Variants in CHD5 observed in about 807,000 individuals in gnomAD.
The protein encoded by CHD5 is ATP-dependent chromatin remodeler CHD5.
Under a neutral mutation model 230.3 loss-of-function variants are expected in CHD5, and 69 were observed. The ratio of observed to expected loss-of-function variants is 0.30; its 90% CI spans 0.25 to 0.37. The LOEUF (loss-of-function observed/expected upper bound fraction) is 0.37. CHD5 is among the 10% of genes least tolerant of loss of function. CHD5 has a pLI of 1.00. For synonymous variants in CHD5, 1,064 were observed against 1,065.9 expected, an observed-to-expected ratio of 1.00 and a Z score of 0.03; for missense variants, 1,827 against 2,622.8, an observed-to-expected ratio of 0.70 and a Z score of 6.63.
chr1:6,131,600 C>T lies in CHD5; in HGVS notation c.3262+31G>A. Reference sequence around the variant, plus strand: ...GGGAGAAGAGGCCAAAAAGGAGTCTCAATCAGAACCCTTGGGCAGGATGGG... The same window carrying T: ...GGGAGAAGAGGCCAAAAAGGAGTCTTAATCAGAACCCTTGGGCAGGATGGG... On this transcript the variant is annotated intron_variant, in intron 21 of 41. Transcript: ENST00000262450. The surrounding 1 kb of genome is among the most constrained non-coding windows in gnomAD (Gnocchi z 5.0). The T allele has an allele frequency of 7.4e-7, 1 of 1,359,588 alleles. No individual in the cohort carries two copies. Among genetic ancestry groups the T allele is most frequent in the Non-Finnish European group, 1.1e-6 (1 of 951,022 alleles). 84.2% of individuals were successfully genotyped at this position (1,359,588 alleles called of 1,614,324 possible).
At position 6,155,676 on chromosome 1, in the gene CHD5, C is replaced by G. The variant is rs12074369; in HGVS notation, c.429G>C (p.Leu143=). 137,662 of 1,613,750 alleles carry G rather than the reference C, an allele frequency of 0.085. 8,708 individuals are homozygous for G. Among genetic ancestry groups the G allele is most frequent in the African/African-American group, 0.32 (23,986 of 74,882 alleles). ...CCGAGAACAGGTAGTCCACGTCGTC[C>G]AGGCCCCACTCGGCCATGAGCTGCC... ...SSGQLMAEWG[L]DDVDYLFSEE... Residue 143 remains leucine, a synonymous_variant, in exon 4 of 42, where the codon CTG becomes CTC. Transcript: ENST00000262450. The surrounding 1 kb of genome is among the most constrained non-coding windows in gnomAD (Gnocchi z 4.0).
At chr1:6,111,406 C>T (rs1666285632) in intron 36 of CHD5, among the ~76,000 whole-genome samples, 1 of 147,102 alleles carries the variant, frequency 6.8e-6, no homozygotes, top group Admixed American at 6.7e-5. Context: ...TGGTGGGGCA[C>T]ACCTGTAATC....
chr1:6,151,331 C>T (rs1667004951), intron 6 of CHD5, among the ~76,000 whole-genome samples, 176 bp from the exon 7 acceptor site: 1 of 152,200 alleles, frequency 6.6e-6, no homozygotes, highest in Non-Finnish European at 1.5e-5. Context: ...GCCTGTCCAG[C>T]CTGATGTCCC....
chr1:6,160,813 T>C (rs902479413), intron 2 of CHD5, among the ~76,000 whole-genome samples: 1 of 152,216 alleles, frequency 6.6e-6, no homozygotes, highest in East Asian at 1.9e-4. Flanking sequence ...GGCCCATTTA[T>C]ATGGAGATAA....
chr1:6,124,989 C>T (rs879051343), intron 29 of CHD5, 111 bp downstream of exon 29: 73 of 1,168,372 alleles, frequency 6.2e-5, no homozygotes, highest in African/African-American at 2.5e-4. Context: ...ACTTTCCAGA[C>T]GGCCTCATCC....
In CHD5 at chr1:6,114,248, G is replaced by A. The variant is rs569617614; in HGVS notation, c.4913-1250C>T. On this transcript the variant is annotated intron_variant, in intron 33 of 41. Transcript: ENST00000262450. The stretch of plus-strand genomic sequence containing the variant: ...AGCCTGGGTGACAGAGTGAGACTCC[G>A]TCTCAAAAAAAAAAAAAATCACAAT... 7.8e-5 allele frequency among the ~76,000 whole-genome samples: 9 copies of A among 114,860 alleles called. No individual in the cohort carries two copies. The East Asian group carries it at 2.3e-3, about 29-fold the overall frequency. The allele number at this position is 114,860 out of a possible 152,430, so 75.4% of individuals were successfully genotyped here. A position where few individuals can be genotyped will look rare whatever the true frequency, so the allele number is the denominator to read the frequency against.
chr1:6,128,723 G>T lies in CHD5; in HGVS notation c.3620-114C>A. On this transcript the variant is annotated intron_variant, in intron 23 of 41. Coordinates refer to ENST00000262450, the MANE Select transcript of CHD5 (RefSeq NM_015557.3). This position sits in a 1 kb window ranked among gnomAD's most constrained non-coding sequence, Gnocchi z 7.8. Reference sequence around the variant, plus strand: ...TCCTAGCCAGGAGATACAGGTGGGGGGTGCAGAAGAGAGGCTGTGTGTTGG... The same window carrying T: ...TCCTAGCCAGGAGATACAGGTGGGGTGTGCAGAAGAGAGGCTGTGTGTTGG... 8.0e-7 allele frequency: 1 copy of T among 1,248,524 alleles called. No individual in the cohort carries two copies. The highest frequency in any genetic ancestry group is 1.1e-6 in the Non-Finnish European group (1 of 869,760). The allele number at this position is 1,248,524 out of a possible 1,614,324, so 77.3% of individuals were successfully genotyped here.
intron 33 of CHD5, among the ~76,000 whole-genome samples, chr1:6,114,756 GA>G (rs1348718595): frequency 6.6e-6 from 1 of 151,496 alleles, no homozygotes; most frequent in African/African-American, 2.4e-5. Flanking sequence ...CTCAAAACTA[GA>G]AAAAAAACAT....
intron 9 of CHD5, among the ~76,000 whole-genome samples, chr1:6,148,164 G>A (rs1307186741): frequency 6.6e-6 from 1 of 152,192 alleles, no homozygotes; most frequent in African/African-American, 2.4e-5. Flanking sequence ...GGCTAAAGGA[G>A]GCACAGCCCA....
intron 6 of CHD5, 56 bp from the exon 7 acceptor site, chr1:6,151,211 G>A (rs1667002663): frequency 1.9e-6 from 3 of 1,544,224 alleles, no homozygotes; most frequent in Non-Finnish European, 2.6e-6. Context: ...AGGCTTCGCT[G>A]GCCCAGGCAG....
chr1:6,159,773 G>A (rs980817295), intron 2 of CHD5, among the ~76,000 whole-genome samples: 9 of 152,244 alleles, frequency 5.9e-5, no homozygotes, highest in African/African-American at 1.7e-4. Flanking sequence ...CAGGTGAGGC[G>A]AGGTGAGGCT....
chr1:6,148,804 G>T, intron 9 of CHD5, 50 bp downstream of exon 9: 1 of 1,404,408 alleles, frequency 7.1e-7, no homozygotes. Context: ...GGCGGGGCCT[G>T]TTCCTGGGGT....
chr1:6,167,856 C>A lies in CHD5; in HGVS notation c.207+294G>T, dbSNP rs1667278850. Reference sequence around the variant, plus strand: ...GGAGTGGGGCAGGGAGGTAGGGAGGCACCGTGGCGACGGAATCCAGCCCTG... The same window carrying A: ...GGAGTGGGGCAGGGAGGTAGGGAGGAACCGTGGCGACGGAATCCAGCCCTG... On this transcript the variant is annotated intron_variant, in intron 2 of 41. Transcript: ENST00000262450. The surrounding 1 kb of genome is among the most constrained non-coding windows in gnomAD (Gnocchi z 4.5). 6.6e-6 allele frequency among the ~76,000 whole-genome samples: 1 copy of A among 152,140 alleles called. No homozygotes were observed. The highest frequency in any genetic ancestry group is 2.4e-5 in the African/African-American group (1 of 41,404).
intron 7 of CHD5, among the ~76,000 whole-genome samples, chr1:6,149,889 A>C (rs1195399999): frequency 1.3e-5 from 2 of 150,952 alleles, no homozygotes; most frequent in African/African-American, 4.9e-5. Flanking sequence ...AAGTGGATGG[A>C]TAGATGGATG....
intron 15 of CHD5, among the ~76,000 whole-genome samples, chr1:6,141,210 G>A (rs1666823400): frequency 6.6e-6 from 1 of 151,372 alleles, no homozygotes; most frequent in African/African-American, 2.4e-5. Context: ...CTTGAACCGG[G>A]AGGCAGAGGT....
At chr1:6,164,307 T>C (rs1175553611) in intron 2 of CHD5, among the ~76,000 whole-genome samples, 2 of 152,204 alleles carry the variant, frequency 1.3e-5, no homozygotes, top group Non-Finnish European at 2.9e-5. Context: ...AAGGGAAGAA[T>C]GAAATAGGAG....
At chr1:6,150,102 G>C (rs1256394533) in intron 7 of CHD5, among the ~76,000 whole-genome samples, 1 of 150,384 alleles carries the variant, frequency 6.6e-6, no homozygotes, top group African/African-American at 2.5e-5. Flanking sequence ...ATGGATAGAT[G>C]GACAAAAGGA....
At chr1:6,149,810 G>A (rs1282758353) in intron 7 of CHD5, among the ~76,000 whole-genome samples, 4 of 150,840 alleles carry the variant, frequency 2.7e-5, no homozygotes, top group African/African-American at 9.8e-5. Flanking sequence ...TGGATGGATA[G>A]GTGGATGGAA....
At chr1:6,177,677 T>C (rs1667446514) in intron 1 of CHD5, among the ~76,000 whole-genome samples, 1 of 152,152 alleles carries the variant, frequency 6.6e-6, no homozygotes, top group African/African-American at 2.4e-5. Context: ...GGAAGGCCCT[T>C]AGCAAGGGTG....
Sources: allele counts gnomAD v4.1 joint callset (sites outside exome capture counted in the v4.1 genomes callset), GRCh38; gene constraint gnomAD v4.1.1; non-coding constraint Gnocchi (gnomAD v3.1); transcripts MANE v1.5; gene names NCBI Gene and HGNC (gene_info 2026-07-23, HGNC 2026-07-21).